Variants in TENM2 observed in about 807,000 individuals in gnomAD.
TENM2 encodes the protein teneurin transmembrane protein 2, also known as teneurin-2.
TENM2 carries 52 observed loss-of-function variants against 245.2 expected under a neutral mutation model. The ratio of observed to expected loss-of-function variants is 0.21; its 90% CI spans 0.17 to 0.27. TENM2 has a LOEUF of 0.27. Among genes scored for constraint, TENM2 ranks in the 10% least tolerant of loss-of-function variants. The pLI is 1.00. For synonymous variants in TENM2, 1,363 were observed against 1,438.9 expected (o/e 0.95, Z 1.19); for missense variants, 3,046 against 3,666.8 (o/e 0.83, Z 4.37).
At chr5:167,729,293 CTATTAT>C (rs1760252158) in intron 2 of TENM2, among the ~76,000 whole-genome samples, 1 of 152,170 alleles carries the variant, frequency 6.6e-6, no homozygotes, top group South Asian at 2.1e-4. Context: ...ATAGAAAGAG[CTATTAT>C]TATTAAGTTT....
At chr5:167,418,949 A>G (rs1054490349) in intron 2 of TENM2, among the ~76,000 whole-genome samples, 5 of 152,204 alleles carry the variant, frequency 3.3e-5, no homozygotes, top group African/African-American at 1.2e-4. Context: ...GCTTCAAGAT[A>G]GTTTAAACAT....
intron 20 of TENM2, among the ~76,000 whole-genome samples, chr5:168,213,375 T>C (rs976623046): frequency 2.4e-4 from 37 of 152,308 alleles, no homozygotes; most frequent in Non-Finnish European, 3.5e-4. Context: ...TTCTTTTTTT[T>C]CCTTAAATCA....
chr5:167,853,289 C>CAAGAAAAAAAAA (rs1770760616), intron 2 of TENM2, among the ~76,000 whole-genome samples: 6 of 24,622 alleles, frequency 2.4e-4, no homozygotes, highest in Non-Finnish European at 1.5e-4. Context: ...GACTCCGTCT[C>CAAGAAAAAAAAA]AAAAAAAAAA....
At chr5:166,990,052 A>G in the TENM2 span, among the ~76,000 whole-genome samples, 1 of 152,128 alleles carries the variant, frequency 6.6e-6, no homozygotes, top group East Asian at 1.9e-4. Context: ...CATGTTAATC[A>G]TAGGAATTCT....
At chr5:167,780,992 A>G (rs1764152403) in intron 2 of TENM2, among the ~76,000 whole-genome samples, 1 of 152,100 alleles carries the variant, frequency 6.6e-6, no homozygotes, top group South Asian at 2.1e-4. Context: ...CCTTCTATTT[A>G]TATCACAAAT....
the TENM2 span, among the ~76,000 whole-genome samples, chr5:167,234,322 C>T: frequency 7.9e-5 from 12 of 152,284 alleles, 1 homozygote; most frequent in Admixed American, 6.5e-4. Context: ...CTCTTCTTCG[C>T]TCTAACTGCC....
the TENM2 span, among the ~76,000 whole-genome samples, chr5:167,144,929 C>T: frequency 6.6e-6 from 1 of 152,160 alleles, no homozygotes; most frequent in Non-Finnish European, 1.5e-5. Flanking sequence ...TGGCTTTTTC[C>T]TCCATGGAAA....
chr5:167,800,099 C>A (rs1047330303), intron 2 of TENM2, among the ~76,000 whole-genome samples: 1 of 152,186 alleles, frequency 6.6e-6, no homozygotes, highest in African/African-American at 2.4e-5. Flanking sequence ...ATGAGGATAA[C>A]AAATCTGGCT....
At chr5:168,021,049 A>G (rs543116355) in intron 5 of TENM2, among the ~76,000 whole-genome samples, 1 of 152,242 alleles carries the variant, frequency 6.6e-6, no homozygotes, top group Admixed American at 6.5e-5. Context: ...TTGATAACCT[A>G]GAAAGTCAGG....
chr5:167,268,281 C>T, the TENM2 span, among the ~76,000 whole-genome samples: 280 of 152,204 alleles, frequency 1.8e-3, no homozygotes, highest in African/African-American at 5.7e-3. Context: ...TAACTAAACA[C>T]GTATTATACA....
intron 17 of TENM2, among the ~76,000 whole-genome samples, chr5:168,200,489 G>A (rs947722982): frequency 1.3e-5 from 2 of 152,198 alleles, no homozygotes; most frequent in Non-Finnish European, 2.9e-5. Context: ...AAAATCAGAA[G>A]AAGAGGATTT....
rs570610981 is a variant in TENM2, at chr5:167,894,245, G to A, written c.712+18050G>A. Among the ~76,000 whole-genome samples, 35 of 152,218 alleles carry A rather than the reference G, an allele frequency of 2.3e-4. 1 individual carries two copies. The highest frequency in any genetic ancestry group is 7.5e-4 in the African/African-American group (31 of 41,528). ...GGAGAAAAAATACTTCCCTCTTTTG[G>A]TCTTTGAAGTTTCTGGGTATTACCA... On this transcript the variant is annotated intron_variant, in intron 3 of 28. Transcript: ENST00000518659.
At chr5:167,517,288 A>ATG (rs2127577615) in intron 2 of TENM2, among the ~76,000 whole-genome samples, 1 of 152,288 alleles carries the variant, frequency 6.6e-6, no homozygotes, top group East Asian at 1.9e-4. Flanking sequence ...TATGTTTATA[A>ATG]TTTAGTGACT....
intron 4 of TENM2, among the ~76,000 whole-genome samples, chr5:167,974,683 AT>A (rs1204550625): frequency 6.6e-6 from 1 of 152,134 alleles, no homozygotes; most frequent in East Asian, 1.9e-4. Flanking sequence ...ATAACAAGTC[AT>A]TTGCCTTAGG....
chr5:168,204,752 C>T, intron 19 of TENM2, 131 bp downstream of exon 21: 1 of 1,200,162 alleles, frequency 8.3e-7, no homozygotes, highest in Non-Finnish European at 1.1e-6. Context: ...AACCTAGGCC[C>T]AGAATCAAAT....
intron 13 of TENM2, among the ~76,000 whole-genome samples, chr5:168,183,739 A>G (rs1014007967): frequency 2.0e-5 from 3 of 151,910 alleles, no homozygotes; most frequent in African/African-American, 7.3e-5. Context: ...GGGGTTCACC[A>G]CCTGACTACC....
chr5:167,106,807 A>G, the TENM2 span, among the ~76,000 whole-genome samples: 1 of 152,076 alleles, frequency 6.6e-6, no homozygotes, highest in African/African-American at 2.4e-5. Context: ...TTCAAAAGAC[A>G]TTTCTCAGTT....
At chr5:167,130,590 C>T in the TENM2 span, among the ~76,000 whole-genome samples, 2 of 152,182 alleles carry the variant, frequency 1.3e-5, no homozygotes, top group Non-Finnish European at 2.9e-5. Context: ...AGTTTCCCAT[C>T]CGAAGAGCCC....
At chr5:168,176,611 A>G (rs1759381699) in intron 13 of TENM2, among the ~76,000 whole-genome samples, 1 of 152,164 alleles carries the variant, frequency 6.6e-6, no homozygotes, top group Admixed American at 6.5e-5. Context: ...TAGTGTCTTC[A>G]GAACACTGTC....
Sources: gnomAD v4.1 joint callset for allele counts (sites outside exome capture counted in the v4.1 genomes callset) on GRCh38, gnomAD v4.1.1 for gene constraint, MANE v1.5 for transcripts, NCBI Gene and HGNC (gene_info 2026-07-23, HGNC 2026-07-21) for gene names.